LYZL4: variants seen among roughly 807,000 people sequenced by gnomAD.
The protein encoded by LYZL4 is lysozyme like 4, also known as lysozyme-like protein 4.
In LYZL4, 13 loss-of-function variants were observed where a neutral mutation model predicts 17.6. That is an observed-to-expected ratio of 0.74 (90% CI 0.48 to 1.18). LYZL4 has a LOEUF of 1.18. LYZL4 is among the 50% of genes most tolerant of loss of function. The probability of loss-of-function intolerance (pLI) is 0.00; values close to 1 mark genes in which losing one functional copy is unlikely to be tolerated. For synonymous variants in LYZL4, 64 were observed against 67.7 expected (o/e 0.95, Z 0.27); for missense variants, 174 against 188.2 (o/e 0.92, Z 0.44).
chr3:42,395,539 G>C (rs1004821120), downstream of LYZL4, among the ~76,000 whole-genome samples: 1 of 152,150 alleles, frequency 6.6e-6, no homozygotes, highest in African/African-American at 2.4e-5. Flanking sequence ...CACACGAAAA[G>C]TTTCTTTTCC....
At position 42,397,138 on chromosome 3, in the gene LYZL4, T is replaced by C. The variant is rs1698561747; in HGVS notation, c.*127A>G. 1 of 683,298 alleles carries C rather than the reference T, an allele frequency of 1.5e-6. No individual in the cohort carries two copies. The highest frequency in any genetic ancestry group is 2.3e-5 in the South Asian group (1 of 44,208). 42.3% of individuals were successfully genotyped at this position (683,298 alleles called of 1,614,324 possible). A position where few individuals can be genotyped will look rare whatever the true frequency, so the allele number is the denominator to read the frequency against. Reference sequence around the variant, plus strand: ...CTGCATCCCCGGATGAAGCAAACTTTTGTCTTTTTCCATCTGGAACTCTTA... The same window carrying C: ...CTGCATCCCCGGATGAAGCAAACTTCTGTCTTTTTCCATCTGGAACTCTTA... On this transcript the variant is annotated 3_prime_UTR_variant, in exon 5 of 5. Coordinates refer to ENST00000287748, the MANE Select transcript of LYZL4 (RefSeq NM_144634.4).
At chr3:42,363,124 T>C in the LYZL4 span, among the ~76,000 whole-genome samples, 1 of 152,282 alleles carries the variant, frequency 6.6e-6, no homozygotes, top group Admixed American at 6.5e-5. Context: ...ACAGCTGGCA[T>C]GGTCTCTTTG....
At chr3:42,382,772 T>C in the LYZL4 span, among the ~76,000 whole-genome samples, 1 of 151,548 alleles carries the variant, frequency 6.6e-6, no homozygotes, top group South Asian at 2.1e-4. Context: ...TTTAAATACA[T>C]AAACTTTCAA....
intron 1 of LYZL4, among the ~76,000 whole-genome samples, chr3:42,408,824 T>A (rs1698812234): frequency 6.6e-6 from 1 of 152,212 alleles, no homozygotes. Context: ...GGGAACATCC[T>A]GTGCATTGGA....
intron 1 of LYZL4, among the ~76,000 whole-genome samples, chr3:42,409,098 T>A (rs1698816332): frequency 6.6e-6 from 1 of 152,226 alleles, no homozygotes; most frequent in Non-Finnish European, 1.5e-5. Flanking sequence ...AGCTCAGACT[T>A]GGGAATCAGA....
chr3:42,394,326 C>A (rs942538559), downstream of LYZL4, among the ~76,000 whole-genome samples: 1 of 152,100 alleles, frequency 6.6e-6, no homozygotes, highest in Non-Finnish European at 1.5e-5. Context: ...AAAATTAATA[C>A]CAATATAGTA....
chr3:42,405,853 C>T (rs927363150), intron 3 of LYZL4, among the ~76,000 whole-genome samples: 5 of 152,088 alleles, frequency 3.3e-5, no homozygotes, highest in African/African-American at 9.7e-5. Context: ...ATGGGGATAA[C>T]GGTACCCACC....
the LYZL4 span, among the ~76,000 whole-genome samples, chr3:42,381,811 C>T: frequency 6.6e-6 from 1 of 152,164 alleles, no homozygotes; most frequent in Admixed American, 6.5e-5. Flanking sequence ...TTTACATTTA[C>T]CCTTCAAGAC....
chr3:42,374,905 C>T, the LYZL4 span, among the ~76,000 whole-genome samples: 9 of 152,114 alleles, frequency 5.9e-5, no homozygotes, highest in Non-Finnish European at 1.2e-4. Context: ...CCACTGAAGC[C>T]TCAACCCATC....
At chr3:42,388,007 A>G in the LYZL4 span, among the ~76,000 whole-genome samples, 5 of 152,184 alleles carry the variant, frequency 3.3e-5, no homozygotes, top group Non-Finnish European at 7.4e-5. Context: ...AAGGTCGGTC[A>G]TCACAGCCTC....
At chr3:42,396,272 G>T (rs1260458603), downstream of LYZL4, among the ~76,000 whole-genome samples, 1 of 152,158 alleles carries the variant, frequency 6.6e-6, no homozygotes, top group Non-Finnish European at 1.5e-5. Context: ...GAAGAACTAT[G>T]TTCTCCAACC....
intron 3 of LYZL4, among the ~76,000 whole-genome samples, chr3:42,405,207 C>A (rs1017130937): frequency 6.6e-6 from 1 of 152,156 alleles, no homozygotes; most frequent in African/African-American, 2.4e-5. Context: ...TGCCACCACG[C>A]CCGTCTAATT....
chr3:42,364,499 C>T, the LYZL4 span, among the ~76,000 whole-genome samples: 6 of 152,060 alleles, frequency 3.9e-5, no homozygotes, highest in East Asian at 1.9e-4. Flanking sequence ...CTCGCCACCT[C>T]GCCCAGCTAA....
downstream of LYZL4, among the ~76,000 whole-genome samples, chr3:42,396,584 A>C (rs40415): frequency 0.64 from 96,889 of 152,172 alleles, 32,093 homozygotes; most frequent in African/African-American, 0.83. Flanking sequence ...AGAATAAAAA[A>C]CCTATACAGA....
the LYZL4 span, among the ~76,000 whole-genome samples, chr3:42,363,422 T>C: frequency 6.6e-6 from 1 of 152,330 alleles, no homozygotes; most frequent in East Asian, 1.9e-4. Context: ...AGTATCGTGA[T>C]AGCTGCAATC....
At chr3:42,394,116 A>T (rs938381051), downstream of LYZL4, among the ~76,000 whole-genome samples, 1 of 152,144 alleles carries the variant, frequency 6.6e-6, no homozygotes, top group Non-Finnish European at 1.5e-5. Context: ...TTTTACTATG[A>T]CAGAAGCTTA....
intron 3 of LYZL4, among the ~76,000 whole-genome samples, chr3:42,405,902 A>G (rs1178659571): frequency 1.3e-5 from 2 of 152,184 alleles, no homozygotes; most frequent in Non-Finnish European, 2.9e-5. Context: ...TGAATTAATT[A>G]GATGAATACT....
chr3:42,387,966 G>A, the LYZL4 span, among the ~76,000 whole-genome samples: 1 of 151,972 alleles, frequency 6.6e-6, no homozygotes, highest in Non-Finnish European at 1.5e-5. Context: ...CACCTCCCAG[G>A]CTCCAAGGTA....
chr3:42,391,575 A>G, the LYZL4 span, among the ~76,000 whole-genome samples: 1 of 152,226 alleles, frequency 6.6e-6, no homozygotes, highest in Non-Finnish European at 1.5e-5. Flanking sequence ...ATATGAGACC[A>G]TAATACTTAT....
Sources: allele counts gnomAD v4.1 joint callset (sites outside exome capture counted in the v4.1 genomes callset), GRCh38; gene constraint gnomAD v4.1.1; transcripts MANE v1.5; gene names NCBI Gene and HGNC (gene_info 2026-07-23, HGNC 2026-07-21).